Variants in IQGAP1 observed in about 807,000 individuals in gnomAD.
IQGAP1 encodes the protein IQ motif containing GTPase activating protein 1, also known as ras GTPase-activating-like protein IQGAP1.
In IQGAP1, 66 loss-of-function variants were observed where a neutral mutation model predicts 215.6. That is an observed-to-expected ratio of 0.31 (90% CI 0.25 to 0.38). The LOEUF (loss-of-function observed/expected upper bound fraction) is 0.38. Ranked by LOEUF, IQGAP1 falls within the 10% of genes least tolerant of loss-of-function variation. The pLI, the probability that IQGAP1 is intolerant of heterozygous loss-of-function variation, is 1.00. For missense variants in IQGAP1, 1,712 were observed against 1,997.1 expected (o/e 0.86, Z 2.72); for synonymous variants, 772 against 728.7 (o/e 1.06, Z -0.96).
intron 23 of IQGAP1, chr15:90,474,957 G>C (rs117189704): frequency 3.7e-5 from 15 of 409,324 alleles, no homozygotes; most frequent in Non-Finnish European, 4.5e-5. Context: ...TTACAGGCAC[G>C]TGACACTATA....
At chr15:90,409,173 A>T (rs1379824843) in intron 2 of IQGAP1, among the ~76,000 whole-genome samples, 2 of 146,668 alleles carry the variant, frequency 1.4e-5, no homozygotes, top group Admixed American at 6.8e-5. Context: ...ACACTTCCTT[A>T]CTCCTAGATA....
rs1965929836 is a variant in IQGAP1 at position 90,473,182 on chromosome 15, A to T, written c.2349+172A>T. 4 of 612,392 alleles carry T rather than the reference A, an allele frequency of 6.5e-6. No homozygotes were observed. In the African/African-American group the frequency reaches 7.4e-5, roughly 11 times the overall value. The allele number at this position is 612,392 out of a possible 1,614,324, so 37.9% of individuals were successfully genotyped here. ...ACTACCATTTAACTGTAGTGTGCCT[A>T]CAGGTGTTTAATGCTGGCACAGTGG... On this transcript the variant is annotated intron_variant, in intron 19 of 37. Transcript: ENST00000268182.
At position 90,492,819 on chromosome 15, in the gene IQGAP1, T is replaced by A. The variant is rs907161709; in HGVS notation, c.4628+108T>A. 2.7e-5 allele frequency: 21 copies of A among 789,960 alleles called. No homozygotes were observed. In the African/African-American group the frequency reaches 3.2e-4, roughly 12 times the overall value. 48.9% of individuals were successfully genotyped at this position (789,960 alleles called of 1,614,324 possible). On this transcript the variant is annotated intron_variant, in intron 35 of 37. Coordinates refer to ENST00000268182, the MANE Select transcript of IQGAP1 (RefSeq NM_003870.4). ...TTTTACTTAAAATACACTGGATCTA[T>A]TTATTGCATTAGTCTTTTATTTTAC...
At chr15:90,432,616 A>G (rs905142663) in intron 4 of IQGAP1, among the ~76,000 whole-genome samples, 2 of 152,206 alleles carry the variant, frequency 1.3e-5, no homozygotes, top group Non-Finnish European at 2.9e-5. Flanking sequence ...ATTTTAAAAA[A>G]CAATAGGGTA....
chr15:90,482,637 C>T, intron 28 of IQGAP1: 2 of 637,384 alleles, frequency 3.1e-6, no homozygotes, highest in Non-Finnish European at 2.0e-6. Context: ...CTCTTTCTTA[C>T]TCAGCTATGC....
intron 15 of IQGAP1, among the ~76,000 whole-genome samples, chr15:90,459,812 A>G (rs760123733): frequency 1.1e-4 from 16 of 152,206 alleles, no homozygotes; most frequent in Non-Finnish European, 2.4e-4. Context: ...TTACAAATTT[A>G]GAGAGCAAAA....
chr15:90,407,681 A>G (rs1341864672), intron 2 of IQGAP1, among the ~76,000 whole-genome samples: 2 of 152,188 alleles, frequency 1.3e-5, no homozygotes, highest in African/African-American at 4.8e-5. Context: ...ATTAAAAACT[A>G]TTTTTATTTT....
chr15:90,477,108 C>G lies in IQGAP1; in HGVS notation c.2982C>G (p.Pro994=). Reference sequence around the variant, plus strand: ...TGGCCAAGCTCATTTTTCAGATGCCCCAGAACAAGTCCACCAAGTTCATGG... The same window carrying G: ...TGGCCAAGCTCATTTTTCAGATGCCGCAGAACAAGTCCACCAAGTTCATGG... The part of the protein sequence containing the change: ...TYLAKLIFQM[P]QNKSTKFMDS... The change falls in exon 25 of 38, where the codon CCC becomes CCG. Residue 994 remains proline, a synonymous_variant. Coordinates refer to ENST00000268182, the MANE Select transcript of IQGAP1 (RefSeq NM_003870.4). 6.2e-7 allele frequency: 1 copy of G among 1,614,090 alleles called. No individual in the cohort carries two copies. Among genetic ancestry groups the G allele is most frequent in the Non-Finnish European group, 8.5e-7 (1 of 1,180,008 alleles).
chr15:90,443,236 C>T (rs900162051), intron 8 of IQGAP1, among the ~76,000 whole-genome samples, 158 bp from the exon 9 acceptor site: 1 of 152,190 alleles, frequency 6.6e-6, no homozygotes, highest in Non-Finnish European at 1.5e-5. Context: ...ACTGGGATTA[C>T]AGGCATGAGT....
At chr15:90,471,868 A>G (rs557768219) in intron 18 of IQGAP1, among the ~76,000 whole-genome samples, 9 of 126,160 alleles carry the variant, frequency 7.1e-5, no homozygotes, top group Admixed American at 6.5e-4. Context: ...TCTGGTACCA[A>G]GGAGAAAGGA....
At chr15:90,403,107 C>G (rs1335273363) in intron 2 of IQGAP1, among the ~76,000 whole-genome samples, 1 of 151,986 alleles carries the variant, frequency 6.6e-6, no homozygotes, top group Non-Finnish European at 1.5e-5. Context: ...CCTGTCTCTA[C>G]AAAATATAAG....
At chr15:90,433,455 A>G (rs1393007579) in intron 4 of IQGAP1, among the ~76,000 whole-genome samples, 1 of 152,188 alleles carries the variant, frequency 6.6e-6, no homozygotes, top group East Asian at 1.9e-4. Context: ...CTCACACCTA[A>G]TGAAATTCAG....
intron 18 of IQGAP1, among the ~76,000 whole-genome samples, chr15:90,472,072 C>T (rs146983919): frequency 6.6e-6 from 1 of 152,164 alleles, no homozygotes; most frequent in Non-Finnish European, 1.5e-5. Context: ...TAATCTCCAC[C>T]CTGGGCAATA....
chr15:90,461,273 T>G (rs1367020371), intron 15 of IQGAP1, among the ~76,000 whole-genome samples: 1 of 151,778 alleles, frequency 6.6e-6, no homozygotes, highest in Non-Finnish European at 1.5e-5. Flanking sequence ...CACTCCAGCT[T>G]GGGTGACAAG....
Position 90,441,488 on chromosome 15 carries a change from T to G in IQGAP1, c.650-18T>G. ...TCTCAGTGTTTTTGTTGGTTTGTTT[T>G]TTTGTTTTTTTTTTTAGTACATGCT... On this transcript the variant is annotated intron_variant, in intron 7 of 37. Coordinates refer to ENST00000268182, the MANE Select transcript of IQGAP1 (RefSeq NM_003870.4). 1 of 1,598,000 alleles carries G rather than the reference T, an allele frequency of 6.3e-7. No homozygotes were observed.
In IQGAP1 at chr15:90,492,530, A is replaced by G; in HGVS notation, c.4462-15A>G. The G allele has an allele frequency of 6.3e-7, 1 of 1,585,176 alleles. No homozygotes were observed. The highest frequency in any genetic ancestry group is 8.6e-7 in the Non-Finnish European group (1 of 1,167,952). ...AACTGTCGTTATTTTTCTAACTTTA[A>G]TAATTATGTCTCAGGATATTCGGAA... On this transcript the variant is annotated splice_polypyrimidine_tract_variant and intron_variant, in intron 34 of 37. Coordinates refer to ENST00000268182, the MANE Select transcript of IQGAP1 (RefSeq NM_003870.4).
intron 30 of IQGAP1, among the ~76,000 whole-genome samples, chr15:90,484,921 C>T (rs182112919): frequency 5.3e-5 from 8 of 152,294 alleles, no homozygotes; most frequent in South Asian, 4.2e-4. Context: ...TCCTGGACAC[C>T]GCCCCAGGCC....
At position 90,415,657 on chromosome 15, in the gene IQGAP1, C is replaced by T. The variant is rs868721976; in HGVS notation, c.156-10453C>T. ...GTGAGATTTCACATCTTTCCCACTG[C>T]CCTTCTAATCCCCGTGCCTCATCTA... On this transcript the variant is annotated intron_variant, in intron 2 of 37. Transcript: ENST00000268182. Among the ~76,000 whole-genome samples the T allele has an allele frequency of 5.3e-5, 8 of 152,294 alleles. No homozygotes were observed. In the South Asian group the frequency reaches 1.2e-3, roughly 24 times the overall value.
At chr15:90,469,913 G>A (rs1212204403) in intron 18 of IQGAP1, among the ~76,000 whole-genome samples, 1 of 152,164 alleles carries the variant, frequency 6.6e-6, no homozygotes, top group Non-Finnish European at 1.5e-5. Context: ...TGGTAGGAGT[G>A]GCAGGACAAG....
Sources: allele counts gnomAD v4.1 joint callset (sites outside exome capture counted in the v4.1 genomes callset), GRCh38; gene constraint gnomAD v4.1.1; transcripts MANE v1.5; gene names NCBI Gene and HGNC (gene_info 2026-07-23, HGNC 2026-07-21).